The following PDE11A variants were observed in gnomAD, a reference collection of about 807,000 sequenced individuals.
PDE11A encodes phosphodiesterase 11A.
In PDE11A, 100 loss-of-function variants were observed where a neutral mutation model predicts 100.5. The ratio of observed to expected loss-of-function variants is 1.00; its 90% CI spans 0.85 to 1.18. The LOEUF (loss-of-function observed/expected upper bound fraction) is 1.18, where lower values mean the gene tolerates loss of function less well. Among genes scored for constraint, PDE11A ranks in the 50% most tolerant of loss-of-function variants. The pLI, the probability that PDE11A is intolerant of heterozygous loss-of-function variation, is 0.00. For missense variants in PDE11A, 1,141 were observed against 1,152.6 expected (o/e 0.99, Z 0.15); for synonymous variants, 381 against 420.8 (o/e 0.91, Z 1.16).
At chr2:178,038,167 G>T (rs1305735883) in intron 1 of PDE11A, among the ~76,000 whole-genome samples, 2 of 152,180 alleles carry the variant, frequency 1.3e-5, no homozygotes, top group East Asian at 3.9e-4. Flanking sequence ...TAACATATAT[G>T]ATTTTATTAG....
Position 177,646,318 on chromosome 2 carries a change from T to G in PDE11A, c.2647-16756A>C, listed in dbSNP as rs575237450. On this transcript the variant is annotated intron_variant, in intron 19 of 19. Transcript: ENST00000286063. ...GAATCTATTCTGTGGGCCACCTGTTTGCTTGCTGTGATAGAAAGTAAAGCA... is the reference window on the plus strand; with the variant it reads ...GAATCTATTCTGTGGGCCACCTGTTGGCTTGCTGTGATAGAAAGTAAAGCA... Among the ~76,000 whole-genome samples the G allele has an allele frequency of 1.1e-4, 16 of 152,344 alleles. No individual in the cohort carries two copies. The South Asian group carries it at 3.1e-3, about 30-fold the overall frequency.
intron 4 of PDE11A, 148 bp downstream of exon 4, chr2:177,897,910 T>TA (rs1048226537): frequency 2.9e-6 from 2 of 686,238 alleles, no homozygotes; most frequent in Non-Finnish European, 5.1e-6. Context: ...ATAAAGAAAA[T>TA]AAAAAACTTG....
intron 2 of PDE11A, among the ~76,000 whole-genome samples, chr2:177,994,107 T>G (rs2086039521): frequency 6.6e-6 from 1 of 152,012 alleles, no homozygotes; most frequent in South Asian, 2.1e-4. Context: ...ATTTTTGTAT[T>G]TTTAGCAGAC....
At chr2:177,699,693 T>A (rs1253127889) in intron 14 of PDE11A, among the ~76,000 whole-genome samples, 1 of 152,208 alleles carries the variant, frequency 6.6e-6, no homozygotes, top group African/African-American at 2.4e-5. Flanking sequence ...CTAACTTCTC[T>A]GCACCAGAGC....
intron 1 of PDE11A, among the ~76,000 whole-genome samples, chr2:178,022,548 A>T (rs183032636): frequency 3.9e-5 from 6 of 152,266 alleles, no homozygotes; most frequent in African/African-American, 1.4e-4. Context: ...TAAGGATGGG[A>T]ATTTTGCCTA....
chr2:177,674,899 G>C (rs1439807550), intron 17 of PDE11A, among the ~76,000 whole-genome samples: 2 of 152,110 alleles, frequency 1.3e-5, no homozygotes, highest in African/African-American at 2.4e-5. Flanking sequence ...CTGGTCTTCA[G>C]TTGGGTAGTT....
chr2:177,731,840 A>C (rs1351713335), intron 10 of PDE11A, among the ~76,000 whole-genome samples: 1 of 152,060 alleles, frequency 6.6e-6, no homozygotes, highest in Non-Finnish European at 1.5e-5. Flanking sequence ...GAGTTTGCTA[A>C]ATTACTTTCT....
chr2:178,054,671 T>TA (rs1331568195), intron 1 of PDE11A, among the ~76,000 whole-genome samples: 2 of 151,892 alleles, frequency 1.3e-5, no homozygotes, highest in Non-Finnish European at 2.9e-5. Flanking sequence ...AACAACCTCA[T>TA]AAAAAACTGG....
At chr2:177,895,728 G>C (rs1269515664) in intron 4 of PDE11A, among the ~76,000 whole-genome samples, 1 of 152,126 alleles carries the variant, frequency 6.6e-6, no homozygotes, top group African/African-American at 2.4e-5. Flanking sequence ...GAAAAAAGTA[G>C]AATGGTAGTT....
At chr2:177,958,208 A>T (rs17401951) in intron 2 of PDE11A, among the ~76,000 whole-genome samples, 9,540 of 152,170 alleles carry the variant, frequency 0.063, 315 homozygotes, top group South Asian at 0.094. Flanking sequence ...ATTTTAAAAA[A>T]TAAATAGAAT....
chr2:177,953,731 T>C (rs368258632), intron 2 of PDE11A, among the ~76,000 whole-genome samples: 9 of 152,102 alleles, frequency 5.9e-5, no homozygotes, highest in African/African-American at 1.9e-4. Flanking sequence ...TTAGAGGAAA[T>C]TGTAATTAAA....
At chr2:178,083,174 A>C (rs2087308548) in intron 2 of PDE11A, among the ~76,000 whole-genome samples, 1 of 148,432 alleles carries the variant, frequency 6.7e-6, no homozygotes, top group Non-Finnish European at 1.5e-5. Context: ...ATCTCAGCTC[A>C]CTGCAACCTC....
chr2:177,712,012 A>C, intron 12 of PDE11A, 134 bp from the exon 13 acceptor site: 1 of 642,624 alleles, frequency 1.6e-6, no homozygotes, highest in Non-Finnish European at 2.8e-6. Context: ...ACTCCCTCAG[A>C]CAACAGTAAG....
chr2:177,700,926 G>T (rs1398724754), intron 14 of PDE11A, among the ~76,000 whole-genome samples, 195 bp downstream of exon 14: 2 of 152,166 alleles, frequency 1.3e-5, no homozygotes, highest in African/African-American at 4.8e-5. Flanking sequence ...AAGTAAATCA[G>T]CTCAGGAAGA....
At chr2:177,647,913 C>T (rs1026042489) in intron 19 of PDE11A, among the ~76,000 whole-genome samples, 1 of 152,016 alleles carries the variant, frequency 6.6e-6, no homozygotes, top group Admixed American at 6.6e-5. Flanking sequence ...GAGTTCGAGA[C>T]CAGCCTGGAC....
chr2:177,673,910 C>A (rs1222008549), intron 17 of PDE11A, among the ~76,000 whole-genome samples: 1 of 152,162 alleles, frequency 6.6e-6, no homozygotes, highest in African/African-American at 2.4e-5. Flanking sequence ...TCAGAATGAT[C>A]TAGGTAGTGG....
chr2:178,065,649 A>G (rs1048662133), intron 1 of PDE11A, among the ~76,000 whole-genome samples: 5 of 151,994 alleles, frequency 3.3e-5, no homozygotes, highest in Non-Finnish European at 4.4e-5. Flanking sequence ...GCTTGGGGGA[A>G]TTTTTTTTAA....
intron 18 of PDE11A, among the ~76,000 whole-genome samples, chr2:177,664,600 A>C (rs940163928): frequency 6.6e-6 from 1 of 152,194 alleles, no homozygotes; most frequent in Admixed American, 6.5e-5. Flanking sequence ...GGGAAAAATA[A>C]ATGACATTTT....
intron 3 of PDE11A, among the ~76,000 whole-genome samples, chr2:177,900,007 G>A (rs777761063): frequency 1.7e-4 from 26 of 151,842 alleles, no homozygotes; most frequent in African/African-American, 3.1e-4. Context: ...GTAGTAACCC[G>A]TGGTTTTCTC....
Sources: allele counts gnomAD v4.1 joint callset (sites outside exome capture counted in the v4.1 genomes callset), GRCh38; gene constraint gnomAD v4.1.1; transcripts MANE v1.5; gene names NCBI Gene and HGNC (gene_info 2026-07-23, HGNC 2026-07-21).